DDX21: variants seen among roughly 807,000 people sequenced by gnomAD.
The protein encoded by DDX21 is nucleolar RNA helicase 2.
DDX21 carries 18 observed loss-of-function variants against 90.0 expected under a neutral mutation model. The observed-to-expected ratio is 0.20, with a 90% CI of 0.14 to 0.30. The LOEUF is 0.30. Ranked by LOEUF, DDX21 falls within the 10% of genes least tolerant of loss-of-function variation. The pLI is 1.00. For missense variants in DDX21, 673 were observed against 944.5 expected, an observed-to-expected ratio of 0.71 and a Z score of 3.77; for synonymous variants, 294 against 318.0, an observed-to-expected ratio of 0.92 and a Z score of 0.80.
rs1031070105 is a variant in DDX21 at position 68,984,518 on chromosome 10, A to G, written c.*1706A>G. 2 of 152,214 alleles carry G rather than the reference A, an allele frequency of 1.3e-5. No homozygotes were observed. Among genetic ancestry groups the G allele is most frequent in the South Asian group, 2.1e-4 (1 of 4,836 alleles). 9.4% of individuals were successfully genotyped at this position (152,214 alleles called of 1,614,324 possible). A position where few individuals can be genotyped will look rare whatever the true frequency, so the allele number is the denominator to read the frequency against. Reference sequence around the variant, plus strand: ...GTTCCTCATGGCTTCCCATCAAGCCATGGGTATTAGGTGACAGTGTAATTT... The same window carrying G: ...GTTCCTCATGGCTTCCCATCAAGCCGTGGGTATTAGGTGACAGTGTAATTT... On this transcript the variant is annotated 3_prime_UTR_variant, in exon 15 of 15. Coordinates refer to ENST00000354185, the MANE Select transcript of DDX21 (RefSeq NM_004728.4).
At chr10:68,974,372 AAAACAAGG>A (rs1477525319) in intron 10 of DDX21, among the ~76,000 whole-genome samples, 1 of 152,240 alleles carries the variant, frequency 6.6e-6, no homozygotes, top group Non-Finnish European at 1.5e-5. Flanking sequence ...AAAGTCATGA[AAAACAAGG>A]AAAGAAGGAA....
At chr10:68,980,629 A>T (rs1475368001) in intron 13 of DDX21, among the ~76,000 whole-genome samples, 1 of 152,106 alleles carries the variant, frequency 6.6e-6, no homozygotes, top group Admixed American at 6.5e-5. Flanking sequence ...CAGCAGGGAG[A>T]GGAGTGCCTG....
intron 3 of DDX21, 78 bp downstream of exon 3, chr10:68,962,235 A>AT (rs1842881052): frequency 3.6e-6 from 4 of 1,106,322 alleles, no homozygotes; most frequent in Admixed American, 2.0e-5. Flanking sequence ...TGTTAAGATG[A>AT]ACCAGGATGT....
At chr10:68,974,063 G>A (rs1258813240) in intron 10 of DDX21, among the ~76,000 whole-genome samples, 2 of 152,130 alleles carry the variant, frequency 1.3e-5, no homozygotes, top group Non-Finnish European at 2.9e-5. Context: ...AGCTTCACTC[G>A]TCTCCTTCCT....
Position 68,972,063 on chromosome 10 carries a change from T to C in DDX21, c.1548+11T>C, listed in dbSNP as rs1398258371. The C allele has an allele frequency of 6.3e-7, 1 of 1,589,382 alleles. No individual in the cohort carries two copies. Among genetic ancestry groups the C allele is most frequent in the Non-Finnish European group, 8.5e-7 (1 of 1,170,100 alleles). Reference sequence around the variant, plus strand: ...AGCTCTCCACCAAAGGTATGTGCTTTATGCTTAGATTTTATTTTGTTTTGT... The same window carrying C: ...AGCTCTCCACCAAAGGTATGTGCTTCATGCTTAGATTTTATTTTGTTTTGT... On this transcript the variant is annotated intron_variant, in intron 9 of 14. Transcript: ENST00000354185.
At chr10:68,959,434 A>G (rs1035788118) in intron 1 of DDX21, among the ~76,000 whole-genome samples, 1 of 152,156 alleles carries the variant, frequency 6.6e-6, no homozygotes, top group Non-Finnish European at 1.5e-5. Flanking sequence ...TGGAGGTTTC[A>G]GTGAGCTGAG....
At chr10:68,978,795 G>C (rs781090500) in intron 12 of DDX21, 47 bp from the exon 13 acceptor site, 2 of 1,575,294 alleles carry the variant, frequency 1.3e-6, no homozygotes, top group Non-Finnish European at 1.7e-6. Context: ...TATCAATTAG[G>C]TTTATTTTCA....
intron 4 of DDX21, 142 bp from the exon 5 acceptor site, chr10:68,965,235 A>G: frequency 1.7e-6 from 1 of 587,396 alleles, no homozygotes; most frequent in Non-Finnish European, 2.9e-6. Flanking sequence ...TCTATTAGAC[A>G]AAAATATTAG....
chr10:68,979,321 G>A (rs1843153248), intron 13 of DDX21, among the ~76,000 whole-genome samples: 1 of 152,024 alleles, frequency 6.6e-6, no homozygotes. Context: ...AATTAAAAAT[G>A]AAAAAATTTG....
At position 68,982,977 on chromosome 10, in the gene DDX21, C is replaced by G; in HGVS notation, c.*165C>G. On this transcript the variant is annotated 3_prime_UTR_variant, in exon 15 of 15. Transcript: ENST00000354185. ...ACAAGCTTCATTTAAATTATTTCAT[C>G]TGATCATTATCATTTATAACTTTAT... 1.2e-6 allele frequency: 1 copy of G among 858,048 alleles called. No individual in the cohort carries two copies. The highest frequency in any genetic ancestry group is 1.8e-6 in the Non-Finnish European group (1 of 569,306). 53.2% of individuals were successfully genotyped at this position (858,048 alleles called of 1,614,324 possible).
At chr10:68,982,407 T>C (rs889259904) in intron 14 of DDX21, 136 bp from the exon 15 acceptor site, 38 of 1,266,916 alleles carry the variant, frequency 3.0e-5, no homozygotes, top group South Asian at 1.7e-5. Flanking sequence ...GCCAGTGTTA[T>C]TTTTGACCAG....
intron 3 of DDX21, 94 bp from the exon 4 acceptor site, chr10:68,963,197 A>G: frequency 8.6e-6 from 11 of 1,278,284 alleles, no homozygotes; most frequent in Non-Finnish European, 1.2e-5. Flanking sequence ...TTAATTCTGC[A>G]GGACCAGAAG....
At chr10:68,970,156 C>T (rs781396040) in intron 7 of DDX21, 45 bp from the exon 8 acceptor site, 2 of 1,557,386 alleles carry the variant, frequency 1.3e-6, no homozygotes, top group South Asian at 1.2e-5. Flanking sequence ...TTTTAGTTTC[C>T]AGCAAAGCTT....
chr10:68,979,810 T>G (rs1362247980), intron 13 of DDX21, among the ~76,000 whole-genome samples: 1 of 152,216 alleles, frequency 6.6e-6, no homozygotes, highest in Admixed American at 6.5e-5. Flanking sequence ...CATAGGAGGA[T>G]AAGATCCTTC....
In DDX21 at chr10:68,965,121, GC is replaced by G. The variant is rs1425998549; in HGVS notation, c.787-254del. Among the ~76,000 whole-genome samples, 5 of 152,102 alleles carry G rather than the reference GC, an allele frequency of 3.3e-5. No homozygotes were observed. In the South Asian group the frequency reaches 8.3e-4, roughly 25 times the overall value. ...TGCTTGAAGGCTCTGCTCCTTCTTA[GC>G]CTTTGGGGTTTAGTCAAGTTATTTA... On this transcript the variant is annotated intron_variant, in intron 4 of 14. Coordinates refer to ENST00000354185, the MANE Select transcript of DDX21 (RefSeq NM_004728.4).
chr10:68,961,524 T>C (rs1380821361), intron 2 of DDX21, among the ~76,000 whole-genome samples: 1 of 152,226 alleles, frequency 6.6e-6, no homozygotes, highest in Non-Finnish European at 1.5e-5. Flanking sequence ...TGCAATCTTG[T>C]ATCTTTTTTG....
chr10:68,972,167 T>C (rs1017956140), intron 9 of DDX21, 115 bp downstream of exon 9: 5 of 1,221,900 alleles, frequency 4.1e-6, no homozygotes, highest in Middle Eastern at 4.7e-4. Context: ...TTTTGAGTGC[T>C]GGGATGCTAA....
intron 7 of DDX21, among the ~76,000 whole-genome samples, chr10:68,969,742 T>G (rs1039822514): frequency 2.0e-5 from 3 of 152,186 alleles, no homozygotes; most frequent in Non-Finnish European, 2.9e-5. Context: ...TTAAAAGTGT[T>G]GAAGTTTAAA....
intron 2 of DDX21, among the ~76,000 whole-genome samples, chr10:68,960,918 G>T (rs1459623738): frequency 6.6e-6 from 1 of 152,134 alleles, no homozygotes; most frequent in African/African-American, 2.4e-5. Context: ...ATGGGCCCTA[G>T]TTTCCCTCTG....
Sources: allele counts gnomAD v4.1 joint callset (sites outside exome capture counted in the v4.1 genomes callset), GRCh38; gene constraint gnomAD v4.1.1; transcripts MANE v1.5; gene names NCBI Gene and HGNC (gene_info 2026-07-23, HGNC 2026-07-21).